The following ARHGEF28 variants were observed in gnomAD, a reference collection of about 807,000 sequenced individuals.
ARHGEF28 encodes the protein Rho guanine nucleotide exchange factor 28.
Under a neutral mutation model 206.6 loss-of-function variants are expected in ARHGEF28, and 152 were observed. The ratio of observed to expected loss-of-function variants is 0.74; its 90% CI spans 0.64 to 0.84. The LOEUF is 0.84. Ranked by LOEUF, ARHGEF28 falls within the 40% of genes least tolerant of loss-of-function variation. The probability of loss-of-function intolerance (pLI) is 0.00; values close to 1 mark genes in which losing one functional copy is unlikely to be tolerated. For missense variants in ARHGEF28, 2,028 were observed against 2,073.2 expected, an observed-to-expected ratio of 0.98 and a Z score of 0.42; for synonymous variants, 763 against 776.4, an observed-to-expected ratio of 0.98 and a Z score of 0.29.
At chr5:73,667,420 G>A (rs1012426656) in intron 1 of ARHGEF28, among the ~76,000 whole-genome samples, 19 of 152,174 alleles carry the variant, frequency 1.2e-4, no homozygotes, top group African/African-American at 4.6e-4. Context: ...TGGGAAACTA[G>A]CCCCAAGTTC....
intron 22 of ARHGEF28, 52 bp downstream of exon 22, chr5:73,873,298 C>G: frequency 1.9e-6 from 3 of 1,544,426 alleles, no homozygotes; most frequent in Non-Finnish European, 2.6e-6. Context: ...GGATTTGAAT[C>G]AAAATCTGCC....
In ARHGEF28 at chr5:73,891,812, G is replaced by T. The variant is rs140543503; in HGVS notation, c.3388-240G>T. On this transcript the variant is annotated intron_variant, in intron 26 of 35. Transcript: ENST00000513042. ...AGTGCTGGGATTACAGGAGGGAGCC[G>T]TTGGGCCCGGCCTAAACCACCAATT... 3.8e-3 allele frequency among the ~76,000 whole-genome samples: 571 copies of T among 152,236 alleles called. 3 individuals are homozygous for T. The highest frequency in any genetic ancestry group is 0.013 in the African/African-American group (535 of 41,558).
intron 1 of ARHGEF28, among the ~76,000 whole-genome samples, chr5:73,656,444 G>A (rs572220651): frequency 6.6e-6 from 1 of 152,216 alleles, no homozygotes; most frequent in African/African-American, 2.4e-5. Context: ...CGTCAAACTT[G>A]GGAGATTTTT....
intron 29 of ARHGEF28, among the ~76,000 whole-genome samples, chr5:73,894,785 A>C (rs1293014729): frequency 5.3e-5 from 8 of 152,230 alleles, no homozygotes; most frequent in Non-Finnish European, 1.2e-4. Context: ...AAAAATAAGC[A>C]GGATAAGGGA....
intron 3 of ARHGEF28, among the ~76,000 whole-genome samples, chr5:73,751,302 TG>T (rs1251655415): frequency 6.6e-6 from 1 of 152,146 alleles, no homozygotes; most frequent in Non-Finnish European, 1.5e-5. Context: ...CCCAGCTACT[TG>T]GGAAGCTGAG....
At chr5:73,811,753 T>C (rs544477526) in intron 9 of ARHGEF28, among the ~76,000 whole-genome samples, 2 of 152,204 alleles carry the variant, frequency 1.3e-5, no homozygotes, top group African/African-American at 4.8e-5. Flanking sequence ...GAGGCCAAGG[T>C]GGGTGGATCA....
intron 9 of ARHGEF28, among the ~76,000 whole-genome samples, chr5:73,826,503 C>G (rs972622804): frequency 6.6e-6 from 1 of 152,186 alleles, no homozygotes; most frequent in African/African-American, 2.4e-5. Flanking sequence ...CAGAAAACTG[C>G]CTTAGCTGGG....
At chr5:73,792,642 C>CTT (rs397943639) in intron 7 of ARHGEF28, among the ~76,000 whole-genome samples, 46,641 of 121,758 alleles carry the variant, frequency 0.38, 9,502 homozygotes, top group Non-Finnish European at 0.48. Flanking sequence ...TCCTTCCCTT[C>CTT]TTTTTTTTTT....
chr5:73,842,092 C>T (rs774939922), intron 11 of ARHGEF28, among the ~76,000 whole-genome samples: 74 of 152,190 alleles, frequency 4.9e-4, no homozygotes, highest in Non-Finnish European at 8.8e-4. Flanking sequence ...CTGTATCTGT[C>T]TATCTGATTG....
intron 1 of ARHGEF28, among the ~76,000 whole-genome samples, chr5:73,661,766 A>G (rs1745612678): frequency 6.6e-6 from 1 of 152,164 alleles, no homozygotes; most frequent in Admixed American, 6.5e-5. Context: ...AATTCACCAT[A>G]TTTTGTGGGT....
rs115322410 is a variant in ARHGEF28 at position 73,778,836 on chromosome 5, A to G, written c.841-1840A>G. Among the ~76,000 whole-genome samples, 548 of 152,364 alleles carry G rather than the reference A, an allele frequency of 3.6e-3. 5 individuals are homozygous for G. The highest frequency in any genetic ancestry group is 0.012 in the African/African-American group (514 of 41,576). On this transcript the variant is annotated intron_variant, in intron 6 of 35. Coordinates refer to ENST00000513042, the MANE Select transcript of ARHGEF28 (RefSeq NM_001177693.2). ...TTATGAGATTACATATAGATTTTGT[A>G]TAAAAAGTATTCCTGCTTTATTGAA...
intron 2 of ARHGEF28, among the ~76,000 whole-genome samples, chr5:73,737,386 A>T (rs559326317): frequency 1.4e-5 from 2 of 141,760 alleles, no homozygotes; most frequent in African/African-American, 2.7e-5. Flanking sequence ...CCCCGTCATC[A>T]CTCCCCAGCC....
chr5:73,689,592 A>C (rs1747686533), intron 2 of ARHGEF28, among the ~76,000 whole-genome samples: 1 of 152,230 alleles, frequency 6.6e-6, no homozygotes, highest in African/African-American at 2.4e-5. Flanking sequence ...TCAGAGAAGA[A>C]GCAGGAATTG....
intron 2 of ARHGEF28, among the ~76,000 whole-genome samples, chr5:73,722,963 C>A (rs987866374): frequency 3.3e-5 from 5 of 152,164 alleles, no homozygotes; most frequent in Non-Finnish European, 5.9e-5. Context: ...CCAAAGCATT[C>A]CCTTTCAAGA....
At chr5:73,740,414 T>A (rs1335430413) in intron 2 of ARHGEF28, among the ~76,000 whole-genome samples, 4 of 152,130 alleles carry the variant, frequency 2.6e-5, no homozygotes, top group African/African-American at 9.7e-5. Context: ...AAACACACCA[T>A]CTCTTAGTAG....
intron 1 of ARHGEF28, chr5:73,627,094 C>A (rs576369865): frequency 6.6e-6 from 1 of 152,172 alleles, no homozygotes. Context: ...AGTTAGATTT[C>A]TAAGAAAGAA....
At chr5:73,925,292 A>G (rs922597762) in intron 35 of ARHGEF28, among the ~76,000 whole-genome samples, 2 of 152,112 alleles carry the variant, frequency 1.3e-5, no homozygotes, top group African/African-American at 2.4e-5. Context: ...TTCCAGCCAT[A>G]GGAATTCTGT....
intron 20 of ARHGEF28, among the ~76,000 whole-genome samples, 167 bp downstream of exon 20, chr5:73,868,394 A>G (rs1230726660): frequency 1.3e-5 from 2 of 152,174 alleles, no homozygotes; most frequent in African/African-American, 4.8e-5. Context: ...ATGAAAATTT[A>G]GCCCCAGAGG....
At chr5:73,788,699 C>T (rs1240552320) in intron 7 of ARHGEF28, among the ~76,000 whole-genome samples, 2 of 151,926 alleles carry the variant, frequency 1.3e-5, no homozygotes, top group Non-Finnish European at 2.9e-5. Context: ...GGTTTGTCTG[C>T]GTGTTTTATC....
Sources: allele counts gnomAD v4.1 joint callset (sites outside exome capture counted in the v4.1 genomes callset), GRCh38; gene constraint gnomAD v4.1.1; transcripts MANE v1.5; gene names NCBI Gene and HGNC (gene_info 2026-07-23, HGNC 2026-07-21).